The following CCDC180 variants were observed in gnomAD, a reference collection of about 807,000 sequenced individuals.
CCDC180 encodes coiled-coil domain containing 180.
Under a neutral mutation model 209.2 loss-of-function variants are expected in CCDC180, and 154 were observed. That is an observed-to-expected ratio of 0.74 (90% CI 0.65 to 0.84). CCDC180 has a LOEUF of 0.84. Ranked by LOEUF, CCDC180 falls within the 40% of genes least tolerant of loss-of-function variation. The pLI is 0.00. For missense variants in CCDC180, 1,874 were observed against 1,997.3 expected, an observed-to-expected ratio of 0.94 and a Z score of 1.18; for synonymous variants, 778 against 749.1, an observed-to-expected ratio of 1.04 and a Z score of -0.63.
intron 18 of CCDC180, among the ~76,000 whole-genome samples, chr9:97,338,468 G>A (rs549367873): frequency 4.6e-5 from 7 of 152,256 alleles, no homozygotes; most frequent in East Asian, 1.9e-4. Context: ...GGAGTTGTGC[G>A]GTTTTGAGTG....
In CCDC180 at chr9:97,330,216, T is replaced by C. The variant is rs370344240; in HGVS notation, c.1828+23T>C. ...CAGGTAACACTTTTTCAATTCAAGT[T>C]TTATTCTCCCAGACTTCACTCTTAC... On this transcript the variant is annotated intron_variant, in intron 17 of 36. Transcript: ENST00000529487. 2.0e-5 allele frequency: 33 copies of C among 1,613,806 alleles called. No individual in the cohort carries two copies. In the African/African-American group the frequency reaches 4.0e-4, roughly 20 times the overall value.
At chr9:97,317,951 A>G (rs1192683705) in intron 9 of CCDC180, among the ~76,000 whole-genome samples, 1 of 152,220 alleles carries the variant, frequency 6.6e-6, no homozygotes, top group Non-Finnish European at 1.5e-5. Context: ...AATGCCAAAC[A>G]TCATCAACAG....
chr9:97,323,563 A>G (rs1364473347), intron 12 of CCDC180, among the ~76,000 whole-genome samples: 1 of 152,136 alleles, frequency 6.6e-6, no homozygotes, highest in East Asian at 1.9e-4. Context: ...TTCGGCTGAG[A>G]GCACCACTTG....
chr9:97,359,918 C>A (rs1397760693), intron 25 of CCDC180, 64 bp from the exon 26 acceptor site: 1 of 1,595,866 alleles, frequency 6.3e-7, no homozygotes, highest in Admixed American at 1.7e-5. Flanking sequence ...GCACTTCCCA[C>A]AGAATCTACC....
At chr9:97,368,748 A>G (rs1219324935) in intron 31 of CCDC180, among the ~76,000 whole-genome samples, 1 of 152,198 alleles carries the variant, frequency 6.6e-6, no homozygotes, top group Admixed American at 6.5e-5. Flanking sequence ...ACATATAACA[A>G]ATTCTCTCTA....
intron 25 of CCDC180, 141 bp downstream of exon 25, chr9:97,357,866 A>G (rs1310204426): frequency 4.9e-6 from 3 of 611,900 alleles, no homozygotes; most frequent in Admixed American, 6.6e-5. Flanking sequence ...GAGCCTTCCT[A>G]CTTAACCCCT....
At chr9:97,375,231 C>A (rs936322759) in intron 35 of CCDC180, among the ~76,000 whole-genome samples, 4 of 152,182 alleles carry the variant, frequency 2.6e-5, no homozygotes, top group African/African-American at 7.2e-5. Context: ...CCTTCCCCCC[C>A]CAGAACCCCA....
intron 1 of CCDC180, 35 bp from the exon 2 acceptor site, chr9:97,307,948 A>C (rs559160380): frequency 6.3e-7 from 1 of 1,581,938 alleles, no homozygotes; most frequent in East Asian, 2.2e-5. Flanking sequence ...CTGGACCTGA[A>C]CCTGAGTTTG....
At position 97,357,775 on chromosome 9, in the gene CCDC180, A is replaced by G. The variant is rs760569893; in HGVS notation, c.3363+50A>G. On this transcript the variant is annotated intron_variant, in intron 25 of 36. Transcript: ENST00000529487. ...GTGAATAATAAAGATATATCATGCT[A>G]AAGTCATAAATGTGAAATAAATTTA... The G allele has an allele frequency of 3.2e-5, 45 of 1,389,026 alleles. 1 individual carries two copies. In the Admixed American group the frequency reaches 6.7e-4, roughly 21 times the overall value. The allele number at this position is 1,389,026 out of a possible 1,614,324, so 86.0% of individuals were successfully genotyped here. A position where few individuals can be genotyped will look rare whatever the true frequency, so the allele number is the denominator to read the frequency against.
At chr9:97,326,911 G>A (rs1374176872) in intron 15 of CCDC180, among the ~76,000 whole-genome samples, 1 of 152,178 alleles carries the variant, frequency 6.6e-6, no homozygotes, top group Non-Finnish European at 1.5e-5. Context: ...TCAAGAACAT[G>A]GGGCCTTCTT....
chr9:97,333,328 C>T (rs913237347), intron 18 of CCDC180, among the ~76,000 whole-genome samples: 1 of 151,982 alleles, frequency 6.6e-6, no homozygotes, highest in Admixed American at 6.6e-5. Flanking sequence ...CTGAAATTTT[C>T]TTTGTTTGTT....
intron 35 of CCDC180, 63 bp from the exon 36 acceptor site, chr9:97,375,386 AGGGTT>A: frequency 6.3e-7 from 1 of 1,585,578 alleles, no homozygotes; most frequent in Non-Finnish European, 8.6e-7. Context: ...CTTTTCCAAC[AGGGTT>A]GGTAGGTGGA....
chr9:97,364,122 C>T lies in CCDC180; in HGVS notation c.3974C>T (p.Ala1325Val). 6.2e-7 allele frequency: 1 copy of T among 1,614,116 alleles called. No homozygotes were observed. Among genetic ancestry groups the T allele is most frequent in the Non-Finnish European group, 8.5e-7 (1 of 1,180,008 alleles). Residue 1325 changes from alanine to valine, a missense_variant, in exon 29 of 37, where the codon GCT becomes GTT. By Grantham distance (64) the Ala-to-Val change is moderately conservative (BLOSUM62 0). Transcript: ENST00000529487. ...YRVLGDKPPP[A>V]AEDFKGIILT... is the part of the protein sequence containing the mutation. ...GTGCTTGGGGACAAGCCTCCCCCTG[C>T]TGCCGAGTGAGTAACAACGCCTTTC... is the stretch of plus-strand genomic sequence containing the variant.
chr9:97,331,116 C>T (rs1037704327), intron 18 of CCDC180, among the ~76,000 whole-genome samples: 9 of 151,992 alleles, frequency 5.9e-5, no homozygotes, highest in African/African-American at 2.2e-4. Flanking sequence ...ATCTGCTGTT[C>T]GCCTCCTAGT....
chr9:97,323,694 G>A (rs528560983), intron 12 of CCDC180, 87 bp from the exon 13 acceptor site: 317 of 1,436,036 alleles, frequency 2.2e-4, no homozygotes, highest in Non-Finnish European at 2.9e-4. Context: ...GGTCTGACTT[G>A]TGCAACGCTG....
intron 20 of CCDC180, among the ~76,000 whole-genome samples, chr9:97,348,129 G>A (rs1024271481): frequency 6.9e-5 from 9 of 130,692 alleles, no homozygotes; most frequent in African/African-American, 1.4e-4. Flanking sequence ...CGGGGGGGGG[G>A]CATGTTTTCA....
At chr9:97,312,558 T>A (rs993138833) in intron 4 of CCDC180, among the ~76,000 whole-genome samples, 4 of 152,168 alleles carry the variant, frequency 2.6e-5, no homozygotes, top group African/African-American at 9.7e-5. Context: ...AGAAACCTTT[T>A]TTCTTTATGA....
intron 3 of CCDC180, among the ~76,000 whole-genome samples, chr9:97,310,206 G>A (rs1767937066): frequency 6.6e-6 from 1 of 152,244 alleles, no homozygotes; most frequent in Non-Finnish European, 1.5e-5. Context: ...AGGCAGGAAG[G>A]CCAGGGCACA....
At chr9:97,375,650 A>T in intron 36 of CCDC180, 61 bp downstream of exon 36, 1 of 1,605,214 alleles carries the variant, frequency 6.2e-7, no homozygotes, top group Non-Finnish European at 8.5e-7. Context: ...TGCCTTGGGA[A>T]GGGGGAGCTT....
Sources: gnomAD v4.1 joint callset for allele counts (sites outside exome capture counted in the v4.1 genomes callset) on GRCh38, gnomAD v4.1.1 for gene constraint, MANE v1.5 for transcripts, NCBI Gene and HGNC (gene_info 2026-07-23, HGNC 2026-07-21) for gene names.